Variants in KCNH8 observed in about 807,000 individuals in gnomAD.
KCNH8 encodes voltage-gated delayed rectifier potassium channel KCNH8.
Under a neutral mutation model 103.6 loss-of-function variants are expected in KCNH8, and 70 were observed. The ratio of observed to expected loss-of-function variants is 0.68; its 90% CI spans 0.56 to 0.82. KCNH8 has a LOEUF of 0.82. KCNH8 is among the 40% of genes least tolerant of loss of function. KCNH8 has a pLI of 0.00. For missense variants in KCNH8, 1,217 were observed against 1,329.9 expected, an observed-to-expected ratio of 0.92 and a Z score of 1.32; for synonymous variants, 498 against 489.4, an observed-to-expected ratio of 1.02 and a Z score of -0.23.
At chr3:19,284,550 TGTGAGG>T (rs1356179881) in intron 3 of KCNH8, among the ~76,000 whole-genome samples, 5 of 145,476 alleles carry the variant, frequency 3.4e-5, no homozygotes, top group Admixed American at 6.9e-5. Context: ...TGTGTGTGTG[TGTGAGG>T]GAGAGAGAGA....
intron 1 of KCNH8, among the ~76,000 whole-genome samples, chr3:19,209,608 C>T (rs2063749940): frequency 6.6e-6 from 1 of 152,076 alleles, no homozygotes; most frequent in South Asian, 2.1e-4. Flanking sequence ...ATTTGAACTC[C>T]CCTGCAGAAT....
chr3:19,529,857 A>G (rs2069130303), intron 15 of KCNH8, among the ~76,000 whole-genome samples: 1 of 152,198 alleles, frequency 6.6e-6, no homozygotes. Context: ...CTTCCCTAAC[A>G]TAAATTGATT....
chr3:19,401,418 G>T (rs1421351109), intron 7 of KCNH8, among the ~76,000 whole-genome samples: 1 of 151,932 alleles, frequency 6.6e-6, no homozygotes, highest in Non-Finnish European at 1.5e-5. Flanking sequence ...GACAAAGGAG[G>T]TCTATCTAAA....
At chr3:19,283,942 A>AG (rs2064792641) in intron 3 of KCNH8, among the ~76,000 whole-genome samples, 1 of 137,386 alleles carries the variant, frequency 7.3e-6, no homozygotes, top group Admixed American at 7.1e-5. Flanking sequence ...ACCCTGTCTC[A>AG]AAAAAAAAAA....
chr3:19,287,563 A>G (rs2064848973), intron 3 of KCNH8, among the ~76,000 whole-genome samples: 1 of 149,690 alleles, frequency 6.7e-6, no homozygotes, highest in Admixed American at 6.6e-5. Context: ...AGCTCCCCAC[A>G]GTCCACTTTT....
intron 11 of KCNH8, among the ~76,000 whole-genome samples, chr3:19,502,021 C>G (rs2068595419): frequency 6.6e-6 from 1 of 151,566 alleles, no homozygotes; most frequent in Non-Finnish European, 1.5e-5. Context: ...ATCTAGAAAA[C>G]CCCATTGTCT....
intron 3 of KCNH8, 81 bp from the exon 4 acceptor site, chr3:19,342,506 T>C (rs992453690): frequency 1.4e-6 from 2 of 1,424,820 alleles, no homozygotes; most frequent in African/African-American, 2.9e-5. Context: ...CAATATGCTC[T>C]TGAAAGGGAA....
chr3:19,225,790 AATATTT>A (rs2063923660), intron 1 of KCNH8, among the ~76,000 whole-genome samples: 1 of 152,168 alleles, frequency 6.6e-6, no homozygotes, highest in African/African-American at 2.4e-5. Flanking sequence ...TGATTCGGAT[AATATTT>A]ATGTCCACAA....
chr3:19,446,063 C>G (rs1438668023), intron 8 of KCNH8, among the ~76,000 whole-genome samples: 1 of 152,006 alleles, frequency 6.6e-6, no homozygotes, highest in Non-Finnish European at 1.5e-5. Flanking sequence ...TAAAATTACA[C>G]AGTCTCATTA....
intron 3 of KCNH8, among the ~76,000 whole-genome samples, chr3:19,294,894 C>T (rs371293978): frequency 3.3e-5 from 5 of 152,208 alleles, no homozygotes; most frequent in Middle Eastern, 3.4e-3. Context: ...GGATTGCATT[C>T]GTTCTGATGG....
intron 11 of KCNH8, among the ~76,000 whole-genome samples, chr3:19,497,981 C>A (rs917821515): frequency 6.6e-6 from 1 of 152,132 alleles, no homozygotes; most frequent in Non-Finnish European, 1.5e-5. Context: ...AAACTCTTTA[C>A]CATTATGTAA....
intron 12 of KCNH8, 50 bp downstream of exon 12, chr3:19,510,451 A>C: frequency 9.0e-7 from 1 of 1,113,094 alleles, no homozygotes. Flanking sequence ...CTGGAGGATT[A>C]CCAATAAATC....
At chr3:19,446,700 T>C (rs565578556) in intron 8 of KCNH8, among the ~76,000 whole-genome samples, 9 of 151,880 alleles carry the variant, frequency 5.9e-5, no homozygotes, top group South Asian at 4.2e-4. Flanking sequence ...TCCAAAGCCA[T>C]TGCAAAATAG....
rs183953988 is a variant in KCNH8 at position 19,493,383 on chromosome 3, G to T, written c.2041-16980G>T. Among the ~76,000 whole-genome samples, 370 of 152,150 alleles carry T rather than the reference G, an allele frequency of 2.4e-3. 3 individuals carry two copies. In the South Asian group the frequency reaches 0.025, roughly 10 times the overall value. On this transcript the variant is annotated intron_variant, in intron 11 of 15. Transcript: ENST00000328405. ...CTGGTGGGAAGTGATTGGATTATGG[G>T]GCAGTTTTCTCCATGCTGCTCTCGT...
At chr3:19,506,584 C>T (rs934023612) in intron 11 of KCNH8, among the ~76,000 whole-genome samples, 1 of 152,124 alleles carries the variant, frequency 6.6e-6, no homozygotes, top group Non-Finnish European at 1.5e-5. Context: ...GTGGGCTCCT[C>T]TCCCACTTGA....
chr3:19,295,199 G>A (rs1004023055), intron 3 of KCNH8, among the ~76,000 whole-genome samples: 29 of 151,912 alleles, frequency 1.9e-4, no homozygotes, highest in African/African-American at 7.0e-4. Context: ...GGGGAACACA[G>A]GGAGACACTG....
intron 1 of KCNH8, among the ~76,000 whole-genome samples, chr3:19,209,257 A>G (rs2063746297): frequency 6.6e-6 from 1 of 152,066 alleles, no homozygotes; most frequent in Non-Finnish European, 1.5e-5. Flanking sequence ...AGGATTCACA[A>G]TGATTGCCCT....
chr3:19,518,380 T>C (rs2068911874), intron 15 of KCNH8, among the ~76,000 whole-genome samples: 1 of 152,066 alleles, frequency 6.6e-6, no homozygotes, highest in Admixed American at 6.6e-5. Flanking sequence ...TATATGCATA[T>C]TTGGTTTAAT....
chr3:19,386,587 CTG>C (rs1191364568), intron 5 of KCNH8, among the ~76,000 whole-genome samples: 20 of 152,090 alleles, frequency 1.3e-4, no homozygotes, highest in African/African-American at 3.6e-4. Flanking sequence ...AAAATTTAAA[CTG>C]TGTGTATATG....
Sources: gnomAD v4.1 joint callset for allele counts (sites outside exome capture counted in the v4.1 genomes callset) on GRCh38, gnomAD v4.1.1 for gene constraint, MANE v1.5 for transcripts, NCBI Gene and HGNC (gene_info 2026-07-23, HGNC 2026-07-21) for gene names.